CNTNAP2: variants seen among roughly 807,000 people sequenced by gnomAD.
CNTNAP2 encodes contactin-associated protein-like 2.
A neutral mutation model predicts 155.2 loss-of-function variants in CNTNAP2; 98 were observed. The ratio of observed to expected loss-of-function variants is 0.63; its 90% confidence interval spans 0.54 to 0.75. The LOEUF (loss-of-function observed/expected upper bound fraction) is 0.75. CNTNAP2 is among the 30% of genes least tolerant of loss of function. The pLI, the probability that CNTNAP2 is intolerant of heterozygous loss-of-function variation, is 0.00. For missense variants in CNTNAP2, 1,727 were observed against 1,688.1 expected (o/e 1.02, Z -0.40); for synonymous variants, 651 against 631.2 (o/e 1.03, Z -0.47).
At chr7:146,238,391 ACGTG>A (rs1176896468) in intron 1 of CNTNAP2, among the ~76,000 whole-genome samples, 2 of 152,198 alleles carry the variant, frequency 1.3e-5, no homozygotes, top group Non-Finnish European at 2.9e-5. Context: ...GGCATCAGAT[ACGTG>A]AGCACAATGT....
chr7:146,681,427 T>TG (rs1402067070), intron 1 of CNTNAP2, among the ~76,000 whole-genome samples: 3 of 81,310 alleles, frequency 3.7e-5, no homozygotes, highest in Admixed American at 1.4e-4. Context: ...GTCCTGTGGG[T>TG]GGGGGGTGGA....
chr7:147,420,264 A>G (rs1263259309), intron 10 of CNTNAP2, among the ~76,000 whole-genome samples: 2 of 152,200 alleles, frequency 1.3e-5, no homozygotes, highest in Non-Finnish European at 1.5e-5. Flanking sequence ...TTCCTCCAGC[A>G]GCACCCAGTC....
chr7:147,481,154 T>C, intron 10 of CNTNAP2, among the ~76,000 whole-genome samples: 1 of 152,222 alleles, frequency 6.6e-6, no homozygotes, highest in African/African-American at 2.4e-5. Flanking sequence ...ACATTTTATT[T>C]TAAAATGTCT....
intron 5 of CNTNAP2, among the ~76,000 whole-genome samples, chr7:147,119,410 A>G (rs954384647): frequency 6.6e-6 from 1 of 152,210 alleles, no homozygotes; most frequent in Non-Finnish European, 1.5e-5. Context: ...ATCCACTCAA[A>G]TATCTACTGC....
In CNTNAP2 at chr7:148,229,682, G is replaced by A. The variant is rs535562015; in HGVS notation, c.3284G>A (p.Arg1095Gln). Reference sequence around the variant, plus strand: ...ATTCGATACAACCTGGGTGGCACCCGAGAGCCATACAATATTGACGTAGAC... The same window carrying A: ...ATTCGATACAACCTGGGTGGCACCCAAGAGCCATACAATATTGACGTAGAC... ...LQIRYNLGGT[R>Q]EPYNIDVDHR... Residue 1095 changes from arginine (R) to glutamine (Q), a missense_variant, in exon 20 of 24, where the codon CGA (arginine) becomes CAA (glutamine). Coordinates refer to ENST00000361727, the MANE Select transcript of CNTNAP2 (RefSeq NM_014141.6). 22 of 1,614,094 alleles carry A rather than the reference G, an allele frequency of 1.4e-5. No individual in the cohort carries two copies. Among genetic ancestry groups the A allele is most frequent in the African/African-American group, 9.3e-5 (7 of 75,004 alleles).
At chr7:146,488,820 C>A (rs530413974) in intron 1 of CNTNAP2, among the ~76,000 whole-genome samples, 1 of 151,984 alleles carries the variant, frequency 6.6e-6, no homozygotes, top group African/African-American at 2.4e-5. Flanking sequence ...GGGGTTTCTC[C>A]ACGTTGCCCA....
chr7:147,738,362 A>G (rs1796894085), intron 13 of CNTNAP2, among the ~76,000 whole-genome samples: 1 of 152,118 alleles, frequency 6.6e-6, no homozygotes, highest in Admixed American at 6.5e-5. Flanking sequence ...ACATTACAGA[A>G]AAATATTTCA....
chr7:147,942,270 T>C (rs886935664), intron 14 of CNTNAP2, among the ~76,000 whole-genome samples: 2 of 152,228 alleles, frequency 1.3e-5, no homozygotes, highest in African/African-American at 2.4e-5. Flanking sequence ...ATCAGCAGCA[T>C]GTCAGTAGCT....
chr7:147,861,275 C>G (rs1047979442), intron 13 of CNTNAP2, among the ~76,000 whole-genome samples: 12 of 152,190 alleles, frequency 7.9e-5, no homozygotes, highest in African/African-American at 2.9e-4. Context: ...TCAGACCATG[C>G]TTTCAGCAGA....
intron 18 of CNTNAP2, among the ~76,000 whole-genome samples, chr7:148,185,654 G>T (rs180902752): frequency 4.3e-4 from 65 of 152,286 alleles, no homozygotes; most frequent in African/African-American, 1.5e-3. Context: ...TTTCAGAGAT[G>T]AATAAAGCTA....
chr7:147,227,328 G>GA (rs374114622), intron 8 of CNTNAP2, among the ~76,000 whole-genome samples: 75 of 146,152 alleles, frequency 5.1e-4, no homozygotes, highest in South Asian at 1.9e-3. Flanking sequence ...GTAAGCTACT[G>GA]AAAAAAAAAA....
intron 17 of CNTNAP2, among the ~76,000 whole-genome samples, chr7:148,171,972 C>T (rs957408150): frequency 3.9e-5 from 6 of 152,288 alleles, no homozygotes; most frequent in Admixed American, 6.5e-5. Flanking sequence ...ATTAGACTTC[C>T]AAAACAGCTG....
At chr7:146,658,662 C>T (rs746471065) in intron 1 of CNTNAP2, among the ~76,000 whole-genome samples, 1 of 152,102 alleles carries the variant, frequency 6.6e-6, no homozygotes, top group Non-Finnish European at 1.5e-5. Flanking sequence ...AGATATGATG[C>T]AAATTCATGA....
At chr7:147,779,751 G>A (rs1011456395) in intron 13 of CNTNAP2, among the ~76,000 whole-genome samples, 9 of 152,120 alleles carry the variant, frequency 5.9e-5, no homozygotes, top group Non-Finnish European at 7.3e-5. Flanking sequence ...ATGTGTCTGC[G>A]AAACTGCCTT....
At chr7:148,171,957 A>G (rs1805802187) in intron 17 of CNTNAP2, among the ~76,000 whole-genome samples, 1 of 152,220 alleles carries the variant, frequency 6.6e-6, no homozygotes, top group African/African-American at 2.4e-5. Context: ...TCTATAGGAA[A>G]CCAGATTAGA....
At chr7:146,721,731 T>A (rs1563203950) in intron 1 of CNTNAP2, among the ~76,000 whole-genome samples, 2 of 124,584 alleles carry the variant, frequency 1.6e-5, no homozygotes, top group African/African-American at 6.9e-5. Context: ...TCTAAATACA[T>A]TATATATTCT....
In CNTNAP2 at chr7:147,981,859, C is replaced by A. The variant is rs540226427; in HGVS notation, c.2383+3870C>A. Among the ~76,000 whole-genome samples, 41 of 147,928 alleles carry A rather than the reference C, an allele frequency of 2.8e-4. 1 individual carries two copies. The East Asian group carries it at 8.1e-3, about 29-fold the overall frequency. ...ATTCTTTCTTTTTTGCAAAGCCTATCCAAATGGAAACTTCAAATCAAATGA... is the reference window on the plus strand; with the variant it reads ...ATTCTTTCTTTTTTGCAAAGCCTATACAAATGGAAACTTCAAATCAAATGA... On this transcript the variant is annotated intron_variant, in intron 15 of 23. Transcript: ENST00000361727.
chr7:148,236,126 A>G (rs532477809), intron 20 of CNTNAP2, among the ~76,000 whole-genome samples: 6 of 152,220 alleles, frequency 3.9e-5, no homozygotes, highest in African/African-American at 1.2e-4. Flanking sequence ...CTTCTGATCA[A>G]TTTGCTTCTG....
At chr7:147,098,372 C>T (rs979375729) in intron 4 of CNTNAP2, among the ~76,000 whole-genome samples, 2 of 152,160 alleles carry the variant, frequency 1.3e-5, no homozygotes, top group Admixed American at 6.6e-5. Context: ...GTCGAATGTG[C>T]TATTCCCCTA....
Sources: gnomAD v4.1 joint callset for allele counts (sites outside exome capture counted in the v4.1 genomes callset) on GRCh38, gnomAD v4.1.1 for gene constraint, MANE v1.5 for transcripts, NCBI Gene and HGNC (gene_info 2026-07-23, HGNC 2026-07-21) for gene names.